The following CIB1 variants were observed in gnomAD, a reference collection of about 807,000 sequenced individuals.
CIB1 encodes calcium and integrin binding 1.
Under a neutral mutation model 25.0 loss-of-function variants are expected in CIB1, and 19 were observed. That is an observed-to-expected ratio of 0.76 (90% CI 0.53 to 1.12). CIB1 has a LOEUF of 1.12. Among genes scored for constraint, CIB1 ranks in the 50% most tolerant of loss-of-function variants. The pLI is 0.00. For synonymous variants in CIB1, 104 were observed against 98.5 expected, an observed-to-expected ratio of 1.06 and a Z score of -0.33; for missense variants, 236 against 242.6, an observed-to-expected ratio of 0.97 and a Z score of 0.18.
upstream of CIB1, among the ~76,000 whole-genome samples, chr15:90,238,737 A>C (rs949502326): frequency 6.6e-6 from 1 of 152,212 alleles, no homozygotes; most frequent in African/African-American, 2.4e-5. Flanking sequence ...TGCATGACCA[A>C]TTGGAATCAC....
At chr15:90,251,112 G>GTTTTTTTTTTT in the CIB1 span, among the ~76,000 whole-genome samples, 6 of 97,124 alleles carry the variant, frequency 6.2e-5, no homozygotes, top group South Asian at 3.6e-4. Flanking sequence ...ATCCTGGTCT[G>GTTTTTTTTTTT]TCTTTTTTTT....
At chr15:90,235,646 C>A (rs935199283), upstream of CIB1, among the ~76,000 whole-genome samples, 1 of 151,962 alleles carries the variant, frequency 6.6e-6, no homozygotes, top group Non-Finnish European at 1.5e-5. Context: ...TGGCTCACTG[C>A]AAGCTCCGCC....
chr15:90,245,652 A>G, the CIB1 span: 55,146 of 151,950 alleles, frequency 0.36, 11,397 homozygotes, highest in East Asian at 0.69. Flanking sequence ...TCGGATGACC[A>G]TTACAGCAAA....
At chr15:90,257,517 G>T in the CIB1 span, 2 of 1,054,220 alleles carry the variant, frequency 1.9e-6, no homozygotes, top group East Asian at 2.5e-5. Flanking sequence ...CAGTCCTCTG[G>T]TGGAGAGAGA....
Position 90,232,001 on chromosome 15 carries a change from T to G in CIB1, c.195+218A>C, listed in dbSNP as rs1197428799. On this transcript the variant is annotated intron_variant, in intron 3 of 6. Transcript: ENST00000328649. ...ACAAAACTTCTTTGAACTTCCAAGA[T>G]TATGTTCTAGAATCCCCATTTGAAA... 2.0e-5 allele frequency among the ~76,000 whole-genome samples: 3 copies of G among 152,168 alleles called. No homozygotes were observed. In the East Asian group the frequency reaches 5.8e-4, roughly 29 times the overall value.
chr15:90,263,543 C>G, the CIB1 span: 2 of 549,776 alleles, frequency 3.6e-6, no homozygotes, highest in African/African-American at 1.9e-5. Flanking sequence ...TTTGGGCCAA[C>G]AAAAGAGCTG....
chr15:90,251,280 A>ATTTTTTTTTTTTTTTTTTT, the CIB1 span, among the ~76,000 whole-genome samples: 1 of 109,514 alleles, frequency 9.1e-6, no homozygotes, highest in African/African-American at 3.6e-5. Flanking sequence ...CGCATGGCAA[A>ATTTTTTTTTTTTTTTTTTT]TTTTTTTTTT....
the CIB1 span, chr15:90,255,762 A>G: frequency 1.5e-5 from 24 of 1,613,988 alleles, no homozygotes; most frequent in African/African-American, 1.1e-4. Flanking sequence ...CAGAAAATCA[A>G]CCACTTCCCT....
At chr15:90,231,567 A>C in intron 3 of CIB1, 60 bp from the exon 4 acceptor site, 2 of 1,579,980 alleles carry the variant, frequency 1.3e-6, no homozygotes, top group Non-Finnish European at 1.7e-6. Flanking sequence ...AGCCTACCAG[A>C]AACTTGAGAG....
the CIB1 span, among the ~76,000 whole-genome samples, chr15:90,256,577 CTTTCTTTCTT>C: frequency 1.8e-5 from 1 of 56,854 alleles, no homozygotes; most frequent in Non-Finnish European, 3.3e-5. Flanking sequence ...TTCTTTCTTT[CTTTCTTTCTT>C]TCTTTCTTTC....
At chr15:90,256,318 A>C in the CIB1 span, 10 of 1,613,974 alleles carry the variant, frequency 6.2e-6, no homozygotes, top group Admixed American at 1.2e-4. Context: ...CCTCAGGACC[A>C]TCAGCCTTCC....
chr15:90,260,441 G>A, the CIB1 span, among the ~76,000 whole-genome samples: 1 of 152,158 alleles, frequency 6.6e-6, no homozygotes, highest in Non-Finnish European at 1.5e-5. Flanking sequence ...AGGTTATAGC[G>A]AACTGAGACT....
the CIB1 span, among the ~76,000 whole-genome samples, chr15:90,248,586 G>A: frequency 0.21 from 31,919 of 151,408 alleles, 3,918 homozygotes; most frequent in South Asian, 0.33. Context: ...ATGGTGGTGC[G>A]CACCTGTAGC....
At chr15:90,256,517 C>T in the CIB1 span, among the ~76,000 whole-genome samples, 1 of 151,874 alleles carries the variant, frequency 6.6e-6, no homozygotes, top group East Asian at 1.9e-4. Context: ...AGTTTCTTAC[C>T]CTCTCTCTGT....
At chr15:90,242,636 G>T in the CIB1 span, 2 of 151,064 alleles carry the variant, frequency 1.3e-5, no homozygotes, top group African/African-American at 4.9e-5. Flanking sequence ...TAAAAGAGAA[G>T]GGGTTTCACC....
upstream of CIB1, chr15:90,235,988 T>C (rs1567071036): frequency 6.6e-6 from 1 of 152,190 alleles, no homozygotes; most frequent in East Asian, 1.9e-4. Flanking sequence ...ATAGACCTTG[T>C]TTGCCTCTTA....
At chr15:90,265,231 T>C in the CIB1 span, 14 of 1,328,146 alleles carry the variant, frequency 1.1e-5, no homozygotes, top group Non-Finnish European at 1.3e-5. Context: ...TTAGCCTGGG[T>C]TTATCGCTAG....
chr15:90,246,678 C>T, the CIB1 span, among the ~76,000 whole-genome samples: 1 of 150,876 alleles, frequency 6.6e-6, no homozygotes, highest in Admixed American at 6.6e-5. Context: ...ATCCCAGCTA[C>T]TCAGGAGGCT....
At chr15:90,253,669 TA>T in the CIB1 span, among the ~76,000 whole-genome samples, 11 of 152,252 alleles carry the variant, frequency 7.2e-5, no homozygotes, top group Admixed American at 7.2e-4. Context: ...TTAGGGAGAA[TA>T]CTGGGAGGCA....
Sources: allele counts gnomAD v4.1 joint callset (sites outside exome capture counted in the v4.1 genomes callset), GRCh38; gene constraint gnomAD v4.1.1; transcripts MANE v1.5; gene names NCBI Gene and HGNC (gene_info 2026-07-23, HGNC 2026-07-21).